SPATS2: variants seen among roughly 807,000 people sequenced by gnomAD.
SPATS2 encodes spermatogenesis associated serine rich 2, also known as spermatogenesis-associated serine-rich protein 2.
A neutral mutation model predicts 63.7 loss-of-function variants in SPATS2; 38 were observed. The observed-to-expected ratio is 0.60, with a 90% CI of 0.46 to 0.78. The LOEUF (loss-of-function observed/expected upper bound fraction) is 0.78. SPATS2 is among the 30% of genes least tolerant of loss of function. The probability of loss-of-function intolerance (pLI) is 0.00; values close to 1 mark genes in which losing one functional copy is unlikely to be tolerated. For synonymous variants in SPATS2, 207 were observed against 232.9 expected (o/e 0.89, Z 1.01); for missense variants, 588 against 666.2 (o/e 0.88, Z 1.29).
intron 6 of SPATS2, among the ~76,000 whole-genome samples, chr12:49,492,555 A>G (rs1946400993): frequency 6.6e-6 from 1 of 152,152 alleles, no homozygotes; most frequent in Admixed American, 6.5e-5. Context: ...GCCCAGGATT[A>G]TAAGTTACTA....
intron 2 of SPATS2, among the ~76,000 whole-genome samples, chr12:49,426,995 T>C (rs951139058): frequency 2.0e-5 from 3 of 152,210 alleles, no homozygotes; most frequent in Non-Finnish European, 4.4e-5. Context: ...TGCATTTGTG[T>C]TGGGTATTAC....
At chr12:49,443,688 C>T (rs978828271) in intron 2 of SPATS2, among the ~76,000 whole-genome samples, 1 of 151,956 alleles carries the variant, frequency 6.6e-6, no homozygotes, top group African/African-American at 2.4e-5. Context: ...AGTCTGAGTT[C>T]ATTTTTATGT....
chr12:49,417,943 T>C (rs991957856), intron 2 of SPATS2, among the ~76,000 whole-genome samples: 9 of 152,170 alleles, frequency 5.9e-5, no homozygotes, highest in African/African-American at 2.2e-4. Context: ...TGCAGTGGTA[T>C]GATTTTGGCT....
intron 2 of SPATS2, among the ~76,000 whole-genome samples, chr12:49,398,156 A>AAAAG (rs1555179688): frequency 1.8e-4 from 26 of 142,930 alleles, no homozygotes; most frequent in African/African-American, 6.1e-4. Context: ...AAAAAAAAAA[A>AAAAG]AAAAGAAAAG....
At chr12:49,428,656 C>T (rs1945126438) in intron 2 of SPATS2, among the ~76,000 whole-genome samples, 3 of 152,132 alleles carry the variant, frequency 2.0e-5, no homozygotes, top group South Asian at 4.1e-4. Context: ...AATTTTTTAT[C>T]ATCAGTATTG....
intron 2 of SPATS2, among the ~76,000 whole-genome samples, chr12:49,379,194 A>G (rs1944164438): frequency 6.6e-6 from 1 of 151,642 alleles, no homozygotes. Context: ...TGCTGGGATT[A>G]CAGGTGTGAG....
chr12:49,499,227 G>T (rs1379229528), intron 8 of SPATS2, among the ~76,000 whole-genome samples: 2 of 151,964 alleles, frequency 1.3e-5, no homozygotes, highest in Non-Finnish European at 2.9e-5. Flanking sequence ...AGCTTTTTTA[G>T]GTGGGACTAG....
At chr12:49,388,826 C>T (rs1184684742) in intron 2 of SPATS2, among the ~76,000 whole-genome samples, 1 of 151,768 alleles carries the variant, frequency 6.6e-6, no homozygotes, top group Non-Finnish European at 1.5e-5. Context: ...TCATAAGTAG[C>T]TGGTACTGTA....
In SPATS2 at chr12:49,434,096, AG is replaced by A. The variant is rs796228867; in HGVS notation, c.-243-26672del. Among the ~76,000 whole-genome samples the A allele has an allele frequency of 2.2e-4, 33 of 152,232 alleles. 1 individual carries two copies. Among genetic ancestry groups the A allele is most frequent in the African/African-American group, 7.0e-4 (29 of 41,542 alleles). On this transcript the variant is annotated intron_variant, in intron 2 of 13. Transcript: ENST00000552918. ...TGAAGATCTTTTGACCATATATGTG[AG>A]GATTTATTTCTGGGCTCTCTATTCT...
chr12:49,430,321 C>T (rs1157071653), intron 2 of SPATS2, among the ~76,000 whole-genome samples: 3 of 150,800 alleles, frequency 2.0e-5, no homozygotes, highest in African/African-American at 7.3e-5. Context: ...AGGCTGGTCT[C>T]GAACCCCTGA....
chr12:49,437,779 G>T (rs982776014), intron 2 of SPATS2, among the ~76,000 whole-genome samples: 4 of 152,174 alleles, frequency 2.6e-5, no homozygotes, highest in Non-Finnish European at 5.9e-5. Context: ...GATGGCAGCA[G>T]TACAGTCCAG....
chr12:49,372,322 T>C (rs1279194110), intron 2 of SPATS2, among the ~76,000 whole-genome samples: 3 of 152,124 alleles, frequency 2.0e-5, no homozygotes, highest in Non-Finnish European at 4.4e-5. Flanking sequence ...TGAGATTACA[T>C]GCGTGAACCA....
chr12:49,523,864 A>G (rs1946986102), intron 12 of SPATS2, among the ~76,000 whole-genome samples: 1 of 152,110 alleles, frequency 6.6e-6, no homozygotes, highest in African/African-American at 2.4e-5. Flanking sequence ...AGGCAGGAGA[A>G]TGGCGTGAAC....
intron 2 of SPATS2, among the ~76,000 whole-genome samples, chr12:49,446,799 G>A (rs547925668): frequency 2.0e-5 from 3 of 152,258 alleles, no homozygotes; most frequent in East Asian, 3.9e-4. Context: ...AAGTCCCTTC[G>A]TAGCAGTACA....
At chr12:49,430,345 G>T (rs1033835277) in intron 2 of SPATS2, among the ~76,000 whole-genome samples, 1 of 151,510 alleles carries the variant, frequency 6.6e-6, no homozygotes, top group Non-Finnish European at 1.5e-5. Flanking sequence ...GAAATGATCC[G>T]CCGACCTCGG....
At position 49,494,806 on chromosome 12, in the gene SPATS2, T is replaced by C. The variant is rs2137906217; in HGVS notation, c.330T>C (p.Ser110=). 2 of 1,613,008 alleles carry C rather than the reference T, an allele frequency of 1.2e-6. No homozygotes were observed. Among genetic ancestry groups the C allele is most frequent in the South Asian group, 1.1e-5 (1 of 90,892 alleles). Residue 110 remains serine (S), a synonymous_variant, in exon 7 of 14, where the codon AGT becomes AGC. Coordinates refer to ENST00000552918, the MANE Select transcript of SPATS2 (RefSeq NM_023071.4). ...CAAGTAACGGCATCCCAGATTCCAG[T>C]AAATCAGTTTCCATTCAAGAGGAAC... ...AEPSNGIPDS[S]KSVSIQEEQS...
At chr12:49,418,383 G>T (rs1372826639) in intron 2 of SPATS2, among the ~76,000 whole-genome samples, 1 of 151,682 alleles carries the variant, frequency 6.6e-6, no homozygotes, top group Non-Finnish European at 1.5e-5. Context: ...GACTGCAATC[G>T]CCACCTCCCA....
intron 9 of SPATS2, 103 bp downstream of exon 9, chr12:49,500,308 T>C (rs1164932338): frequency 3.2e-6 from 4 of 1,265,946 alleles, no homozygotes; most frequent in Non-Finnish European, 3.2e-6. Flanking sequence ...ACTAACTACA[T>C]AGTAGGAGAG....
intron 2 of SPATS2, among the ~76,000 whole-genome samples, chr12:49,400,784 G>A (rs1461665623): frequency 1.3e-5 from 2 of 152,210 alleles, no homozygotes; most frequent in Non-Finnish European, 2.9e-5. Flanking sequence ...TGAGGCAAAA[G>A]TTTTGATTGT....
Sources: allele counts gnomAD v4.1 joint callset (sites outside exome capture counted in the v4.1 genomes callset), GRCh38; gene constraint gnomAD v4.1.1; transcripts MANE v1.5; gene names NCBI Gene and HGNC (gene_info 2026-07-23, HGNC 2026-07-21).